The following ATOSA variants were observed in gnomAD, a reference collection of about 807,000 sequenced individuals.
ATOSA encodes the protein atos homolog protein A.
the ATOSA span, among the ~76,000 whole-genome samples, chr15:52,644,305 A>C: frequency 1.3e-5 from 2 of 152,246 alleles, no homozygotes; most frequent in Admixed American, 1.3e-4. Flanking sequence ...TTAAAAAATT[A>C]GGGTAAGAAA....
the ATOSA span, among the ~76,000 whole-genome samples, chr15:52,645,407 G>A: frequency 6.6e-6 from 1 of 152,076 alleles, no homozygotes; most frequent in African/African-American, 2.4e-5. Flanking sequence ...CTATGCCACT[G>A]CGCTCCAGCC....
chr15:52,708,174 A>C, the ATOSA span, among the ~76,000 whole-genome samples: 1 of 152,222 alleles, frequency 6.6e-6, no homozygotes, highest in East Asian at 1.9e-4. Context: ...GTTCAACCAC[A>C]CTTTCAGCAT....
the ATOSA span, among the ~76,000 whole-genome samples, chr15:52,600,901 GT>G: frequency 6.6e-6 from 1 of 151,582 alleles, no homozygotes; most frequent in Non-Finnish European, 1.5e-5. Context: ...CCACTATATA[GT>G]TGCTACTCAT....
At chr15:52,630,534 T>C in the ATOSA span, among the ~76,000 whole-genome samples, 40 of 152,124 alleles carry the variant, frequency 2.6e-4, no homozygotes, top group African/African-American at 8.9e-4. Context: ...TGCAGGAAAA[T>C]TGACTAAATA....
At chr15:52,679,079 G>A in the ATOSA span, 1 of 152,622 alleles carries the variant, frequency 6.6e-6, no homozygotes, top group Admixed American at 6.5e-5. Flanking sequence ...CGGCCCCCGC[G>A]GCTGCCTCAG....
the ATOSA span, among the ~76,000 whole-genome samples, chr15:52,646,174 C>T: frequency 6.6e-6 from 1 of 152,170 alleles, no homozygotes; most frequent in Non-Finnish European, 1.5e-5. Context: ...TCCTATTTCC[C>T]ACTGAATGCG....
chr15:52,707,580 A>G, the ATOSA span, among the ~76,000 whole-genome samples: 1 of 152,232 alleles, frequency 6.6e-6, no homozygotes. Context: ...TGGTGGGAGA[A>G]AAGTATTACT....
At chr15:52,671,807 G>A in the ATOSA span, among the ~76,000 whole-genome samples, 1 of 151,330 alleles carries the variant, frequency 6.6e-6, no homozygotes, top group Non-Finnish European at 1.5e-5. Context: ...AGGCTTTTTA[G>A]GCAGAAGGAA....
At chr15:52,594,026 T>C in the ATOSA span, among the ~76,000 whole-genome samples, 1 of 152,212 alleles carries the variant, frequency 6.6e-6, no homozygotes, top group Non-Finnish European at 1.5e-5. Context: ...AACTTCAGCA[T>C]TAGTTAGGCC....
At chr15:52,673,243 G>A in the ATOSA span, among the ~76,000 whole-genome samples, 2 of 152,222 alleles carry the variant, frequency 1.3e-5, no homozygotes, top group Non-Finnish European at 2.9e-5. Context: ...CTGAGGCAGA[G>A]AGGACAAGCA....
At chr15:52,705,674 A>C in the ATOSA span, among the ~76,000 whole-genome samples, 1 of 152,122 alleles carries the variant, frequency 6.6e-6, no homozygotes, top group South Asian at 2.1e-4. Context: ...ACAAGTAATC[A>C]CCACTCAGAT....
chr15:52,681,904 C>A, the ATOSA span, among the ~76,000 whole-genome samples: 1 of 152,198 alleles, frequency 6.6e-6, no homozygotes, highest in African/African-American at 2.4e-5. Flanking sequence ...TTTATGAATA[C>A]AAGGCTGTTA....
chr15:52,699,037 A>G, the ATOSA span, among the ~76,000 whole-genome samples: 2 of 152,226 alleles, frequency 1.3e-5, no homozygotes, highest in Non-Finnish European at 2.9e-5. Flanking sequence ...AATAAAATGG[A>G]GAATGAAAAT....
chr15:52,665,861 A>G, the ATOSA span, among the ~76,000 whole-genome samples: 1 of 152,232 alleles, frequency 6.6e-6, no homozygotes, highest in Non-Finnish European at 1.5e-5. Flanking sequence ...CAGGCATGCA[A>G]AAGTTAGCTA....
At chr15:52,648,149 C>T in the ATOSA span, among the ~76,000 whole-genome samples, 1 of 152,054 alleles carries the variant, frequency 6.6e-6, no homozygotes, top group East Asian at 1.9e-4. Flanking sequence ...ATTATAATAG[C>T]TAATTAATAA....
the ATOSA span, chr15:52,658,911 G>A: frequency 1.8e-5 from 7 of 396,306 alleles, no homozygotes; most frequent in African/African-American, 6.2e-5. Flanking sequence ...CTTGAGCCTA[G>A]GAACTGGAGG....
the ATOSA span, chr15:52,652,190 G>T: frequency 1.4e-6 from 1 of 737,108 alleles, no homozygotes; most frequent in Non-Finnish European, 1.9e-6. Context: ...TTCTTTGCTC[G>T]TCTTACAAAC....
the ATOSA span, among the ~76,000 whole-genome samples, chr15:52,644,503 C>G: frequency 6.6e-5 from 10 of 152,116 alleles, no homozygotes; most frequent in Non-Finnish European, 1.5e-4. Flanking sequence ...AGAATTAAGA[C>G]CAACTACTAT....
At chr15:52,583,498 G>T in the ATOSA span, among the ~76,000 whole-genome samples, 2 of 152,136 alleles carry the variant, frequency 1.3e-5, no homozygotes, top group African/African-American at 4.8e-5. Context: ...TGATTCTCCT[G>T]CCTCAGCTTC....
Sources: gnomAD v4.1 joint callset for allele counts (sites outside exome capture counted in the v4.1 genomes callset) on GRCh38, gnomAD v4.1.1 for gene constraint, MANE v1.5 for transcripts, NCBI Gene and HGNC (gene_info 2026-07-23, HGNC 2026-07-21) for gene names.